The following NTM variants were observed in gnomAD, a reference collection of about 807,000 sequenced individuals.
The protein encoded by NTM is IgLON family member 2.
NTM carries 13 observed loss-of-function variants against 42.1 expected under a neutral mutation model. The ratio of observed to expected loss-of-function variants is 0.31; its 90% CI spans 0.20 to 0.49. NTM has a LOEUF of 0.49. Among genes scored for constraint, NTM ranks in the 20% least tolerant of loss-of-function variants. The probability of loss-of-function intolerance (pLI) is 0.99; values close to 1 mark genes in which losing one functional copy is unlikely to be tolerated. For missense variants in NTM, 373 were observed against 452.8 expected (o/e 0.82, Z 1.60); for synonymous variants, 187 against 179.2 (o/e 1.04, Z -0.35).
At chr11:131,919,234 T>C (rs1392183158) in intron 2 of NTM, among the ~76,000 whole-genome samples, 1 of 152,066 alleles carries the variant, frequency 6.6e-6, no homozygotes, top group East Asian at 1.9e-4. Context: ...ATGAGTAAAA[T>C]AGAACATCGT....
In NTM at chr11:132,146,868, G is replaced by A. The variant is rs2070548268; in HGVS notation, c.400+354G>A. ...TTTTTTAGATTTCATCCAATTCCAA[G>A]ACTGTGTTATGTTTAAAACCAGACT... On this transcript the variant is annotated intron_variant, in intron 3 of 8. Transcript: ENST00000683400. This position sits in a 1 kb window ranked among gnomAD's most constrained non-coding sequence, Gnocchi z 4.5. The A allele has an allele frequency of 3.5e-6, 1 of 281,868 alleles. No homozygotes were observed. Among genetic ancestry groups the A allele is most frequent in the African/African-American group, 2.2e-5 (1 of 44,650 alleles). 17.5% of individuals were successfully genotyped at this position (281,868 alleles called of 1,614,324 possible). A position where few individuals can be genotyped will look rare whatever the true frequency, so the allele number is the denominator to read the frequency against.
At chr11:131,770,969 T>TGCAAAAA (rs1384959925) in intron 1 of NTM, 3 of 152,190 alleles carry the variant, frequency 2.0e-5, no homozygotes, top group African/African-American at 7.2e-5. Context: ...TTTGCAGATC[T>TGCAAAAA]TCAGATTCAG....
chr11:131,802,930 C>G (rs1022447571), intron 1 of NTM, among the ~76,000 whole-genome samples: 2 of 152,142 alleles, frequency 1.3e-5, no homozygotes, highest in Non-Finnish European at 2.9e-5. Context: ...AGGAGAGAGC[C>G]TGATGGGTTG....
At chr11:132,137,645 G>T (rs1229377767) in intron 2 of NTM, among the ~76,000 whole-genome samples, 1 of 152,080 alleles carries the variant, frequency 6.6e-6, no homozygotes, top group African/African-American at 2.4e-5. Context: ...GGGACAGTCA[G>T]GACCCTGGGG....
intron 2 of NTM, among the ~76,000 whole-genome samples, chr11:132,050,365 A>G (rs1009754404): frequency 2.0e-5 from 3 of 152,122 alleles, no homozygotes; most frequent in Non-Finnish European, 4.4e-5. Context: ...GAGCCCTGTG[A>G]ACCAGCCCAC....
chr11:131,819,535 C>T (rs1284379922), intron 1 of NTM, among the ~76,000 whole-genome samples: 2 of 152,184 alleles, frequency 1.3e-5, no homozygotes, highest in African/African-American at 4.8e-5. Flanking sequence ...AAAAAATCTC[C>T]AAAGTCATCC....
chr11:131,488,171 C>A (rs767055817), intron 1 of NTM, among the ~76,000 whole-genome samples: 1 of 152,176 alleles, frequency 6.6e-6, no homozygotes, highest in Non-Finnish European at 1.5e-5. Context: ...TCAAAATACT[C>A]CACCCCAAAA....
chr11:132,028,895 C>T (rs1420499374), intron 2 of NTM, among the ~76,000 whole-genome samples: 1 of 151,998 alleles, frequency 6.6e-6, no homozygotes, highest in Non-Finnish European at 1.5e-5. Flanking sequence ...GGCTCTTGAA[C>T]CTCCTAGGGC....
Position 132,282,976 on chromosome 11 carries a change from C to CTTTTTTTTTTTTTTTTTTTTTTTTTTTTT in NTM, c.527-24688_527-24687insTTTTTTTTTTTTTTTTTTTTTTTTTTTTT, listed in dbSNP as rs142817071. ...AATGAAACGGGAAATTCCTTTATTC[C>CTTTTTTTTTTTTTTTTTTTTTTTTTTTTT]TTTTTTTTTTTTTTTTTTTTTTTTT... On this transcript the variant is annotated intron_variant, in intron 4 of 8. Transcript: ENST00000683400. 8.1e-4 allele frequency among the ~76,000 whole-genome samples: 88 copies of CTTTTTTTTTTTTTTTTTTTTTTTTTTTTT among 108,976 alleles called. 2 individuals carry two copies. The highest frequency in any genetic ancestry group is 5.1e-3 in the Middle Eastern group (1 of 196). 71.5% of individuals were successfully genotyped at this position (108,976 alleles called of 152,430 possible).
At chr11:132,317,780 T>G (rs1187027179) in intron 7 of NTM, 9 of 728,388 alleles carry the variant, frequency 1.2e-5, no homozygotes, top group Non-Finnish European at 1.9e-5. Flanking sequence ...GAAGCACTTG[T>G]CTGTAAAGTG....
intron 4 of NTM, among the ~76,000 whole-genome samples, chr11:132,226,885 G>T (rs1487829778): frequency 1.3e-5 from 2 of 152,242 alleles, no homozygotes; most frequent in African/African-American, 2.4e-5. Flanking sequence ...GGCCTGGGCT[G>T]CTGGTGTATA....
At chr11:131,974,551 G>A (rs1030535603) in intron 2 of NTM, among the ~76,000 whole-genome samples, 3 of 152,204 alleles carry the variant, frequency 2.0e-5, no homozygotes, top group African/African-American at 4.8e-5. Flanking sequence ...ATAGCATAAC[G>A]TCTGAGAGGT....
intron 4 of NTM, among the ~76,000 whole-genome samples, chr11:132,254,081 G>T (rs901168183): frequency 6.6e-6 from 1 of 152,148 alleles, no homozygotes; most frequent in Non-Finnish European, 1.5e-5. Context: ...ACCTGGTGTT[G>T]TTTGCTATCC....
At chr11:132,089,114 T>C (rs1450815191) in intron 2 of NTM, among the ~76,000 whole-genome samples, 1 of 152,196 alleles carries the variant, frequency 6.6e-6, no homozygotes, top group African/African-American at 2.4e-5. Flanking sequence ...GTTTTGACTT[T>C]CTCAAAACAC....
At chr11:131,499,696 T>C (rs574222652) in intron 1 of NTM, among the ~76,000 whole-genome samples, 16 of 152,114 alleles carry the variant, frequency 1.1e-4, no homozygotes, top group Non-Finnish European at 2.1e-4. Flanking sequence ...TGCTAACAAT[T>C]CTCCACCACA....
chr11:132,251,588 C>T (rs566604511), intron 4 of NTM, among the ~76,000 whole-genome samples: 93 of 152,360 alleles, frequency 6.1e-4, no homozygotes, highest in Non-Finnish European at 1.0e-3. Flanking sequence ...AGCCACTCCA[C>T]TGCTCACCAG....
intron 3 of NTM, among the ~76,000 whole-genome samples, chr11:132,165,699 C>G (rs2075160791): frequency 6.6e-6 from 1 of 152,156 alleles, no homozygotes; most frequent in African/African-American, 2.4e-5. Context: ...CCCTTATCTA[C>G]TATTGGAAGA....
At chr11:131,888,117 A>G (rs2050686551) in intron 1 of NTM, among the ~76,000 whole-genome samples, 2 of 152,152 alleles carry the variant, frequency 1.3e-5, no homozygotes, top group East Asian at 1.9e-4. Context: ...CCTGATTAAT[A>G]TGGTGAAACC....
At chr11:132,065,398 T>C (rs1425640087) in intron 2 of NTM, among the ~76,000 whole-genome samples, 8 of 152,196 alleles carry the variant, frequency 5.3e-5, no homozygotes, top group Admixed American at 5.2e-4. Flanking sequence ...ATGCTTCTTA[T>C]AGCAGAGTTA....
Sources: allele counts gnomAD v4.1 joint callset (sites outside exome capture counted in the v4.1 genomes callset), GRCh38; gene constraint gnomAD v4.1.1; non-coding constraint Gnocchi (gnomAD v3.1); transcripts MANE v1.5; gene names NCBI Gene and HGNC (gene_info 2026-07-23, HGNC 2026-07-21).